Variants in STARD9 observed in about 807,000 individuals in gnomAD.
The protein encoded by STARD9 is stAR-related lipid transfer protein 9.
A neutral mutation model predicts 399.8 loss-of-function variants in STARD9; 346 were observed. The ratio of observed to expected loss-of-function variants is 0.87; its 90% CI spans 0.79 to 0.95. The LOEUF is 0.95. Ranked by LOEUF, STARD9 falls within the 40% of genes least tolerant of loss-of-function variation. The pLI, the probability that STARD9 is intolerant of heterozygous loss-of-function variation, is 0.00. For missense variants in STARD9, 5,832 were observed against 5,667.5 expected, an observed-to-expected ratio of 1.03 and a Z score of -0.93; for synonymous variants, 2,203 against 2,143.5, an observed-to-expected ratio of 1.03 and a Z score of -0.77.
At position 42,634,903 on chromosome 15, in the gene STARD9, C is replaced by G. The variant is rs775693640; in HGVS notation, c.282C>G (p.Gly94=). 56 of 1,536,836 alleles carry G rather than the reference C, an allele frequency of 3.6e-5. No individual in the cohort carries two copies. The highest frequency in any genetic ancestry group is 4.8e-5 in the Non-Finnish European group (55 of 1,146,754). Reference sequence around the variant, plus strand: ...AAGTACTGTCTGGAGTTGCCAAAGGCTATAACATATGCCTTTTTGCTTATG... The same window carrying G: ...AAGTACTGTCTGGAGTTGCCAAAGGGTATAACATATGCCTTTTTGCTTATG... ...GMEVLSGVAK[G]YNICLFAYGQ... Residue 94 remains glycine, a synonymous_variant, in exon 4 of 33, where the codon GGC becomes GGG. Transcript: ENST00000290607.
chr15:42,687,905 C>T lies in STARD9; in HGVS notation c.6327C>T (p.Pro2109=). The change falls in exon 23 of 33, where the codon CCC becomes CCT. Residue 2109 remains proline (P), a synonymous_variant. Coordinates refer to ENST00000290607, the MANE Select transcript of STARD9 (RefSeq NM_020759.3). The part of the protein sequence containing the change: ...FRPDSSGNPL[P]SKDQPSSPRQ... ...CAGACAGCTCTGGAAACCCTTTGCC[C>T]TCTAAGGATCAGCCATCTTCTCCAA... is the stretch of plus-strand genomic sequence containing the variant. The T allele has an allele frequency of 6.5e-7, 1 of 1,537,224 alleles. No homozygotes were observed. The highest frequency in any genetic ancestry group is 1.4e-5 in the African/African-American group (1 of 73,160).
At position 42,720,621 on chromosome 15, in the gene STARD9, T is replaced by C. The variant is rs2140440730; in HGVS notation, c.*1047T>C. ...ACTTTAGCCTGGCTGAACATGAACTTTGTGTTTACCTGGAAGTGGTAGGGG... is the reference window on the plus strand; with the variant it reads ...ACTTTAGCCTGGCTGAACATGAACTCTGTGTTTACCTGGAAGTGGTAGGGG... On this transcript the variant is annotated 3_prime_UTR_variant, in exon 33 of 33. Transcript: ENST00000290607. 1 of 152,226 alleles carries C rather than the reference T, an allele frequency of 6.6e-6. No homozygotes were observed. The highest frequency in any genetic ancestry group is 2.1e-4 in the South Asian group (1 of 4,824). 9.4% of individuals were successfully genotyped at this position (152,226 alleles called of 1,614,324 possible).
chr15:42,583,710 A>C (rs1302890345), intron 2 of STARD9, among the ~76,000 whole-genome samples: 1 of 152,174 alleles, frequency 6.6e-6, no homozygotes, highest in Non-Finnish European at 1.5e-5. Flanking sequence ...GCAATAGTTA[A>C]CTTAAATCGT....
intron 26 of STARD9, among the ~76,000 whole-genome samples, chr15:42,702,203 T>G (rs2060980100): frequency 6.6e-6 from 1 of 152,062 alleles, no homozygotes. Context: ...GATTAAAATT[T>G]TTTGTTTGTT....
chr15:42,694,559 G>A lies in STARD9; in HGVS notation c.12796G>A (p.Glu4266Lys), dbSNP rs1270420916. 2.0e-6 allele frequency: 3 copies of A among 1,537,220 alleles called. No individual in the cohort carries two copies. The highest frequency in any genetic ancestry group is 2.0e-5 in the Admixed American group (1 of 50,984). Residue 4266 changes from glutamate (E) to lysine (K), a missense_variant, in exon 24 of 33, where the codon GAG (glutamate) becomes AAG (lysine). Physicochemically the swap from Glu to Lys is moderately conservative, Grantham distance 56. This residue lies in a region of STARD9 where 5,828 missense variants were observed against 5,651.1 expected (regional missense o/e 1.03). Transcript: ENST00000290607. The stretch of plus-strand genomic sequence containing the variant: ...AAAGGCCATTGAGACCCTCAGGAGA[G>A]AGCGGGCTGAGCGACTTGGGAACTT... Reference protein sequence around the residue: ...QKKAIETLRRERAERLGNFCR... With the variant: ...QKKAIETLRRKRAERLGNFCR...
At chr15:42,594,113 A>T (rs2058458793) in intron 3 of STARD9, among the ~76,000 whole-genome samples, 1 of 152,108 alleles carries the variant, frequency 6.6e-6, no homozygotes, top group Non-Finnish European at 1.5e-5. Context: ...GAGAAAAGAG[A>T]GTGTGCTATA....
At chr15:42,620,188 G>A (rs1421432892) in intron 3 of STARD9, among the ~76,000 whole-genome samples, 3 of 152,142 alleles carry the variant, frequency 2.0e-5, no homozygotes, top group African/African-American at 7.2e-5. Flanking sequence ...GGCAAAATAA[G>A]CAGAAAGTTT....
At chr15:42,709,772 G>A (rs1014296493) in intron 26 of STARD9, among the ~76,000 whole-genome samples, 1 of 152,122 alleles carries the variant, frequency 6.6e-6, no homozygotes, top group Non-Finnish European at 1.5e-5. Context: ...GTGTCTACTG[G>A]TGTATCTTAC....
chr15:42,621,371 C>G (rs924981721), intron 3 of STARD9, among the ~76,000 whole-genome samples: 7 of 152,136 alleles, frequency 4.6e-5, no homozygotes, highest in Non-Finnish European at 7.3e-5. Context: ...CAGTGGATTA[C>G]AACCTGTTAC....
At chr15:42,638,952 A>G (rs2059478951) in intron 7 of STARD9, 140 bp downstream of exon 7, 3 of 453,828 alleles carry the variant, frequency 6.6e-6, no homozygotes, top group South Asian at 1.1e-4. Flanking sequence ...ATATGTATTG[A>G]TAAATAGAGA....
At chr15:42,653,598 CT>C (rs57568065) in intron 9 of STARD9, among the ~76,000 whole-genome samples, 21,783 of 151,924 alleles carry the variant, frequency 0.14, 4,276 homozygotes, top group African/African-American at 0.45. Context: ...GCATTGAACC[CT>C]TAGAAGTCAG....
chr15:42,707,484 T>C (rs1194173544), intron 26 of STARD9, among the ~76,000 whole-genome samples: 2 of 151,736 alleles, frequency 1.3e-5, no homozygotes, highest in Non-Finnish European at 2.9e-5. Flanking sequence ...TTTTTTTTTT[T>C]TTTGAGACAG....
rs2061362559 is a variant in STARD9, at chr15:42,716,994, T to C, written c.13440T>C (p.Phe4480=). ...PSSLSSLGTC[F]SSSYQDLAKH... ...GTCTGTCCAGCTTGGGGACCTGCTT[T>C]TCCTCCTCCTACCAGGATTTGGCCA... The change falls in exon 28 of 33, where the codon TTT becomes TTC. Residue 4480 remains phenylalanine, a synonymous_variant. Transcript: ENST00000290607. 6.5e-7 allele frequency: 1 copy of C among 1,537,254 alleles called. No individual in the cohort carries two copies. The highest frequency in any genetic ancestry group is 1.2e-5 in the South Asian group (1 of 84,060).
chr15:42,615,922 AAAAC>A (rs1213505128), intron 3 of STARD9, among the ~76,000 whole-genome samples: 1 of 152,228 alleles, frequency 6.6e-6, no homozygotes, highest in Non-Finnish European at 1.5e-5. Context: ...CAGTAAAAAT[AAAAC>A]AAAGACCACA....
At chr15:42,645,277 A>G (rs896600591) in intron 7 of STARD9, among the ~76,000 whole-genome samples, 1 of 152,250 alleles carries the variant, frequency 6.6e-6, no homozygotes, top group African/African-American at 2.4e-5. Context: ...TTCTTAAATT[A>G]TCAGACTTCA....
In STARD9 at chr15:42,687,056, G is replaced by A. The variant is rs2060576793; in HGVS notation, c.5478G>A (p.Arg1826=). ...AGATACCAGTTGATCTGAATACCAG[G>A]GAAGTCATCAGAGAATCAGGTAAAT... ...TAEIPVDLNT[R]EVIRESGKCP... Residue 1826 remains arginine (R), a synonymous_variant, in exon 23 of 33, where the codon AGG becomes AGA. Transcript: ENST00000290607. 1 of 1,536,886 alleles carries A rather than the reference G, an allele frequency of 6.5e-7. No homozygotes were observed. The highest frequency in any genetic ancestry group is 1.4e-5 in the African/African-American group (1 of 73,014).
At chr15:42,631,863 T>A (rs1289105179) in intron 3 of STARD9, among the ~76,000 whole-genome samples, 1 of 152,164 alleles carries the variant, frequency 6.6e-6, no homozygotes, top group Admixed American at 6.6e-5. Flanking sequence ...GCCGAACATA[T>A]GGTCTATTCT....
At chr15:42,626,420 CTCCTCT>C (rs959867079) in intron 3 of STARD9, among the ~76,000 whole-genome samples, 3 of 148,112 alleles carry the variant, frequency 2.0e-5, no homozygotes, top group Non-Finnish European at 4.5e-5. Flanking sequence ...CCTCCTCCTC[CTCCTCT>C]TCTTCTTCTT....
chr15:42,696,478 T>C (rs2060849350), intron 26 of STARD9, among the ~76,000 whole-genome samples: 1 of 152,068 alleles, frequency 6.6e-6, no homozygotes, highest in Non-Finnish European at 1.5e-5. Context: ...GACTAGAAAA[T>C]CATGTGGACT....
Sources: allele counts gnomAD v4.1 joint callset (sites outside exome capture counted in the v4.1 genomes callset), GRCh38; gene constraint gnomAD v4.1.1; regional missense constraint gnomAD v4.1.1; transcripts MANE v1.5; gene names NCBI Gene and HGNC (gene_info 2026-07-23, HGNC 2026-07-21).